The following HOMER2 variants were observed in gnomAD, a reference collection of about 807,000 sequenced individuals.
HOMER2 encodes homer scaffold protein 2.
A neutral mutation model predicts 47.0 loss-of-function variants in HOMER2; 27 were observed. That is an observed-to-expected ratio of 0.57 (90% CI 0.42 to 0.79). The LOEUF (loss-of-function observed/expected upper bound fraction) is 0.79. Among genes scored for constraint, HOMER2 ranks in the 30% least tolerant of loss-of-function variants. The pLI, the probability that HOMER2 is intolerant of heterozygous loss-of-function variation, is 0.00. For synonymous variants in HOMER2, 161 were observed against 163.8 expected (o/e 0.98, Z 0.13); for missense variants, 443 against 435.0 (o/e 1.02, Z -0.16).
chr15:82,849,697 C>A lies in HOMER2; in HGVS notation c.*18G>T. 1 of 1,607,184 alleles carries A rather than the reference C, an allele frequency of 6.2e-7. No individual in the cohort carries two copies. Among genetic ancestry groups the A allele is most frequent in the Non-Finnish European group, 8.5e-7 (1 of 1,176,824 alleles). ...ACACGCTTGGGACTCACGGGCGGGG[C>A]CTGGGCCTCGGCCAGCCCTAGTTAT... On this transcript the variant is annotated 3_prime_UTR_variant, in exon 9 of 9. Coordinates refer to ENST00000450735, the MANE Select transcript of HOMER2 (RefSeq NM_004839.4).
In HOMER2 at chr15:82,863,775, T is replaced by C. The variant is rs1026056609; in HGVS notation, c.387+392A>G. ...ATAACCACTTCCACCTGACCTCTGT[T>C]AAAACCGGAGATGAACACAAGGGCT... On this transcript the variant is annotated intron_variant, in intron 4 of 8. Transcript: ENST00000450735. Among the ~76,000 whole-genome samples the C allele has an allele frequency of 6.6e-5, 10 of 152,174 alleles. 1 individual carries two copies.
At position 82,937,695 on chromosome 15, in the gene HOMER2, G is replaced by A. The variant is rs78289788; in HGVS notation, c.5+14836C>T. Among the ~76,000 whole-genome samples the A allele has an allele frequency of 4.9e-3, 739 of 152,264 alleles. 4 individuals are homozygous for A. Among genetic ancestry groups the A allele is most frequent in the African/African-American group, 0.016 (659 of 41,582 alleles). ...GAACAATGACTGGCAACTCAGAGAA[G>A]TGAGGGCAAAGAGGTGACCAATGGA... On this transcript the variant is annotated intron_variant, in intron 1 of 8. Transcript: ENST00000450735.
At chr15:82,868,604 A>T (rs1489814773) in intron 3 of HOMER2, among the ~76,000 whole-genome samples, 2 of 131,506 alleles carry the variant, frequency 1.5e-5, no homozygotes, top group Admixed American at 1.7e-4. Flanking sequence ...GCTGGAGTGC[A>T]GTGGTACGAT....
intron 1 of HOMER2, among the ~76,000 whole-genome samples, chr15:82,935,466 T>TGCCC (rs2054121037): frequency 6.6e-6 from 1 of 152,120 alleles, no homozygotes; most frequent in African/African-American, 2.4e-5. Flanking sequence ...CTTCTCTGCC[T>TGCCC]GCCCTCCCTC....
chr15:82,951,845 C>T (rs915312588), intron 1 of HOMER2, among the ~76,000 whole-genome samples: 2 of 152,246 alleles, frequency 1.3e-5, no homozygotes, highest in African/African-American at 4.8e-5. Flanking sequence ...AGTTATTGTG[C>T]TATTAGCACA....
chr15:82,865,823 A>G (rs892129119), intron 3 of HOMER2, among the ~76,000 whole-genome samples: 1 of 152,236 alleles, frequency 6.6e-6, no homozygotes, highest in African/African-American at 2.4e-5. Flanking sequence ...GCAGGTACAC[A>G]GAAGTCAAGA....
At chr15:82,935,272 C>T (rs542684889) in intron 1 of HOMER2, among the ~76,000 whole-genome samples, 3 of 152,312 alleles carry the variant, frequency 2.0e-5, no homozygotes, top group African/African-American at 7.2e-5. Context: ...CCACCTGGCT[C>T]CTGGACCCAT....
chr15:82,930,527 C>T (rs1423068111), intron 1 of HOMER2, among the ~76,000 whole-genome samples: 1 of 152,212 alleles, frequency 6.6e-6, no homozygotes, highest in Admixed American at 6.5e-5. Flanking sequence ...AGCCTTTTCC[C>T]TGCACAGATT....
intron 1 of HOMER2, among the ~76,000 whole-genome samples, chr15:82,924,310 A>C (rs1237686996): frequency 1.5e-4 from 23 of 151,340 alleles, no homozygotes; most frequent in Admixed American, 1.5e-3. Flanking sequence ...TTTTAGTAAA[A>C]TGAGGCTGCC....
chr15:82,849,952 C>T, intron 8 of HOMER2, 49 bp from the exon 9 acceptor site: 2 of 1,579,336 alleles, frequency 1.3e-6, no homozygotes, highest in African/African-American at 1.3e-5. Context: ...TGACGAGAGT[C>T]ATCCTTCAAA....
intron 1 of HOMER2, among the ~76,000 whole-genome samples, chr15:82,897,298 T>C (rs563694111): frequency 8.5e-5 from 13 of 152,208 alleles, no homozygotes; most frequent in Middle Eastern, 3.4e-3. Context: ...ACTCCTGACC[T>C]CATGATCCAC....
At chr15:82,941,368 G>A (rs895492848) in intron 1 of HOMER2, among the ~76,000 whole-genome samples, 1 of 149,318 alleles carries the variant, frequency 6.7e-6, no homozygotes, top group African/African-American at 2.5e-5. Context: ...CGCTTGAACC[G>A]GGAGGCAGAG....
chr15:82,924,916 G>C (rs1159287845), intron 1 of HOMER2, among the ~76,000 whole-genome samples: 2 of 152,172 alleles, frequency 1.3e-5, no homozygotes, highest in Non-Finnish European at 2.9e-5. Flanking sequence ...CCTTTACTTT[G>C]TTCCATTGTG....
chr15:82,847,027 C>G (rs1054928283), downstream of HOMER2: 1 of 152,196 alleles, frequency 6.6e-6, no homozygotes, highest in Admixed American at 6.5e-5. Context: ...CTTGGAAACA[C>G]CAAAATCAGG....
intron 3 of HOMER2, 104 bp from the exon 4 acceptor site, chr15:82,864,363 C>A: frequency 1.5e-6 from 1 of 677,954 alleles, no homozygotes; most frequent in Non-Finnish European, 2.5e-6. Context: ...CCCATACATT[C>A]TGTATAAATC....
chr15:82,835,421 G>A (rs950908668), downstream of HOMER2: 1 of 152,402 alleles, frequency 6.6e-6, no homozygotes. Context: ...ACCACACCTG[G>A]CCTTCCAGTG....
At chr15:82,877,161 T>C (rs903073028) in intron 2 of HOMER2, among the ~76,000 whole-genome samples, 73 of 152,106 alleles carry the variant, frequency 4.8e-4, no homozygotes, top group African/African-American at 1.6e-3. Context: ...TTGGGAAAGT[T>C]TTTTTGTTTG....
At chr15:82,984,652 T>C (rs941283266) in intron 1 of HOMER2, among the ~76,000 whole-genome samples, 59 of 152,168 alleles carry the variant, frequency 3.9e-4, no homozygotes, top group African/African-American at 1.4e-3. Context: ...ATTCCATCTC[T>C]ACAAAAAATA....
At chr15:82,950,734 T>C (rs2054488573) in intron 1 of HOMER2, among the ~76,000 whole-genome samples, 1 of 152,230 alleles carries the variant, frequency 6.6e-6, no homozygotes, top group Non-Finnish European at 1.5e-5. Context: ...TAAAATTACA[T>C]GAAAGACATA....
Sources: allele counts gnomAD v4.1 joint callset (sites outside exome capture counted in the v4.1 genomes callset), GRCh38; gene constraint gnomAD v4.1.1; transcripts MANE v1.5; gene names NCBI Gene and HGNC (gene_info 2026-07-23, HGNC 2026-07-21).